C11orf42: variants seen among roughly 807,000 people sequenced by gnomAD.
The protein encoded by C11orf42 is uncharacterized protein C11orf42.
A neutral mutation model predicts 27.9 loss-of-function variants in C11orf42; 24 were observed. The observed-to-expected ratio is 0.86, with a 90% confidence interval of 0.62 to 1.21. The LOEUF is 1.21. Among genes scored for constraint, C11orf42 ranks in the 50% most tolerant of loss-of-function variants. C11orf42 has a pLI of 0.00. For synonymous variants in C11orf42, 187 were observed against 180.8 expected (o/e 1.03, Z -0.28); for missense variants, 455 against 424.1 (o/e 1.07, Z -0.64).
Position 6,210,649 on chromosome 11 carries a change from G to A in C11orf42, c.871+1G>A, listed in dbSNP as rs747046119. The A allele has an allele frequency of 6.2e-7, 1 of 1,612,704 alleles. No individual in the cohort carries two copies. Among genetic ancestry groups the A allele is most frequent in the Non-Finnish European group, 8.5e-7 (1 of 1,179,322 alleles). ...TGGAGGGGGCCCCAGATACTGTCAG[G>A]TACTACTAGGGGAAATGATGATGAG... On this transcript the variant is annotated splice_donor_variant, in intron 2 of 2. Coordinates refer to ENST00000316375, the MANE Select transcript of C11orf42 (RefSeq NM_173525.3). LOFTEE classifies it high-confidence loss of function. The surrounding 1 kb of genome is among the most constrained non-coding windows in gnomAD (Gnocchi z 4.0).
At chr11:6,207,287 T>TA (rs1846989639) in intron 1 of C11orf42, among the ~76,000 whole-genome samples, 1 of 152,154 alleles carries the variant, frequency 6.6e-6, no homozygotes, top group Admixed American at 6.5e-5. Context: ...GGGTTAGAAT[T>TA]AGACAACTTA....
Position 6,210,575 on chromosome 11 carries a change from G to A in C11orf42, c.798G>A (p.Gly266=). The change falls in exon 2 of 3, where the codon GGG becomes GGA. Residue 266 remains glycine (G), a synonymous_variant. Coordinates refer to ENST00000316375, the MANE Select transcript of C11orf42 (RefSeq NM_173525.3). This position sits in a 1 kb window ranked among gnomAD's most constrained non-coding sequence, Gnocchi z 4.0. ...PAPPTPPPQE[G]PEDKPTRFSY... Reference sequence around the variant, plus strand: ...CACCTACGCCACCTCCCCAGGAAGGGCCAGAGGACAAACCCACCAGATTCT... The same window carrying A: ...CACCTACGCCACCTCCCCAGGAAGGACCAGAGGACAAACCCACCAGATTCT... 1 of 1,614,056 alleles carries A rather than the reference G, an allele frequency of 6.2e-7. No individual in the cohort carries two copies. The highest frequency in any genetic ancestry group is 8.5e-7 in the Non-Finnish European group (1 of 1,180,002).
At chr11:6,209,752 A>G in intron 1 of C11orf42, 98 bp from the exon 2 acceptor site, 5 of 1,176,084 alleles carry the variant, frequency 4.3e-6, no homozygotes, top group Non-Finnish European at 6.1e-6. Context: ...AACACATTAT[A>G]GAGATGTAAC....
At position 6,209,980 on chromosome 11, in the gene C11orf42, G is replaced by A. The variant is rs144631019; in HGVS notation, c.203G>A (p.Arg68Gln). Residue 68 changes from arginine (R) to glutamine (Q), a missense_variant, in exon 2 of 3, where the codon CGG (arginine) becomes CAG (glutamine). By Grantham distance (43) the Arg-to-Gln change is conservative. Coordinates refer to ENST00000316375, the MANE Select transcript of C11orf42 (RefSeq NM_173525.3). ...PAHTRLALPGRQGRRALKPVG... is the reference protein window; with the variant it reads ...PAHTRLALPGQQGRRALKPVG... ...CATACCCGCCTGGCTTTGCCAGGTC[G>A]GCAGGGCCGGAGGGCACTGAAACCA... 2,713 of 1,613,638 alleles carry A rather than the reference G, an allele frequency of 1.7e-3. No individual in the cohort carries two copies. The highest frequency in any genetic ancestry group is 2.1e-3 in the Non-Finnish European group (2,528 of 1,179,530).
intron 1 of C11orf42, among the ~76,000 whole-genome samples, chr11:6,206,997 T>C (rs942608472): frequency 6.6e-6 from 1 of 152,308 alleles, no homozygotes; most frequent in South Asian, 2.1e-4. Context: ...AACATTTGGC[T>C]AAACAGAATG....
At chr11:6,208,678 C>T (rs1257611207) in intron 1 of C11orf42, among the ~76,000 whole-genome samples, 3 of 152,132 alleles carry the variant, frequency 2.0e-5, no homozygotes, top group Admixed American at 6.5e-5. Flanking sequence ...CCACCTGTCT[C>T]GGCCTCCCAA....
rs369201059 is a variant in C11orf42, at chr11:6,209,875, A to G, written c.98A>G (p.Asn33Ser). The G allele has an allele frequency of 2.0e-5, 32 of 1,593,134 alleles. No homozygotes were observed. In the African/African-American group the frequency reaches 4.2e-4, roughly 21 times the overall value. The stretch of plus-strand genomic sequence containing the variant: ...GTCATCGAGGAGCACTTTGGGCCCA[A>G]TGCAGTAGCAGTACCTTTCCTGTCA... ...DKVIEEHFGP[N>S]AVAVPFLSDA... is the part of the protein sequence containing the mutation. Residue 33 changes from asparagine to serine, a missense_variant, in exon 2 of 3, where the codon AAT becomes AGT. Physicochemically the swap from Asn to Ser is conservative, Grantham distance 46. Transcript: ENST00000316375.
Position 6,210,062 on chromosome 11 carries a change from C to T in C11orf42, c.285C>T (p.His95=), listed in dbSNP as rs772863287. Residue 95 remains histidine, a synonymous_variant, in exon 2 of 3, where the codon CAC becomes CAT. Transcript: ENST00000316375. This position sits in a 1 kb window ranked among gnomAD's most constrained non-coding sequence, Gnocchi z 4.0. ...EQAGSEGAFA[H]CTREYSPNGR... Reference sequence around the variant, plus strand: ...CAGGATCTGAGGGTGCCTTCGCCCACTGCACTCGGGAATACTCACCAAATG... The same window carrying T: ...CAGGATCTGAGGGTGCCTTCGCCCATTGCACTCGGGAATACTCACCAAATG... 1 of 1,614,244 alleles carries T rather than the reference C, an allele frequency of 6.2e-7. No homozygotes were observed.
chr11:6,209,173 CAAAA>C (rs59276219), intron 1 of C11orf42, among the ~76,000 whole-genome samples: 47,644 of 123,740 alleles, frequency 0.39, 8,814 homozygotes, highest in East Asian at 0.61. Flanking sequence ...AGAACCGACT[CAAAA>C]AAAAAAAAAA....
chr11:6,209,714 T>C lies in C11orf42; in HGVS notation c.73-136T>C, dbSNP rs577098625. The stretch of plus-strand genomic sequence containing the variant: ...ATTCAAGGTTTTGCTGCCGGAGAGC[T>C]GGGAGGTAAGCAGAAAGCATAAATC... On this transcript the variant is annotated intron_variant, in intron 1 of 2. Transcript: ENST00000316375. 7.1e-5 allele frequency: 59 copies of C among 834,834 alleles called. No individual in the cohort carries two copies. The African/African-American group carries it at 9.8e-4, about 14-fold the overall frequency. The allele number at this position is 834,834 out of a possible 1,614,324, so 51.7% of individuals were successfully genotyped here.
rs1167202485 is a variant in C11orf42, at chr11:6,211,052, A to G, written c.*10A>G. 1 of 1,609,184 alleles carries G rather than the reference A, an allele frequency of 6.2e-7. No individual in the cohort carries two copies. The highest frequency in any genetic ancestry group is 1.3e-5 in the African/African-American group (1 of 74,380). ...CGACAGTGACGACTGAAGCTGAAGC[A>G]AAAGATTCCGGGGGCAAAGCCCCCA... On this transcript the variant is annotated 3_prime_UTR_variant, in exon 3 of 3. Transcript: ENST00000316375.
At chr11:6,207,322 C>T (rs759836325) in intron 1 of C11orf42, among the ~76,000 whole-genome samples, 1 of 152,148 alleles carries the variant, frequency 6.6e-6, no homozygotes, top group Non-Finnish European at 1.5e-5. Flanking sequence ...ATAGGAAGAG[C>T]GTATGGGGAA....
At chr11:6,208,512 C>T (rs1400255061) in intron 1 of C11orf42, among the ~76,000 whole-genome samples, 9 of 152,160 alleles carry the variant, frequency 5.9e-5, no homozygotes, top group African/African-American at 1.4e-4. Context: ...CTGCAACCTC[C>T]GCTTCCCAGG....
chr11:6,206,117 T>C (rs1256842468), intron 1 of C11orf42, among the ~76,000 whole-genome samples: 1 of 152,112 alleles, frequency 6.6e-6, no homozygotes, highest in Non-Finnish European at 1.5e-5. Context: ...TTAATAGTAA[T>C]TAAATGTAGA....
chr11:6,211,053 A>C lies in C11orf42; in HGVS notation c.*11A>C. 1 of 1,609,248 alleles carries C rather than the reference A, an allele frequency of 6.2e-7. No homozygotes were observed. The highest frequency in any genetic ancestry group is 8.5e-7 in the Non-Finnish European group (1 of 1,178,618). On this transcript the variant is annotated 3_prime_UTR_variant, in exon 3 of 3. Transcript: ENST00000316375. ...GACAGTGACGACTGAAGCTGAAGCA[A>C]AAGATTCCGGGGGCAAAGCCCCCAA...
chr11:6,210,659 G>A lies in C11orf42; in HGVS notation c.871+11G>A, dbSNP rs1847045693. 1 of 1,610,066 alleles carries A rather than the reference G, an allele frequency of 6.2e-7. No homozygotes were observed. Among genetic ancestry groups the A allele is most frequent in the Non-Finnish European group, 8.5e-7 (1 of 1,178,028 alleles). ...CCCAGATACTGTCAGGTACTACTAG[G>A]GGAAATGATGATGAGATGGATGGGA... is the stretch of plus-strand genomic sequence containing the variant. On this transcript the variant is annotated intron_variant, in intron 2 of 2. Transcript: ENST00000316375. The surrounding 1 kb of genome is among the most constrained non-coding windows in gnomAD (Gnocchi z 4.0).
chr11:6,209,943 TCCCGCCCAGCCCATA>T lies in C11orf42; in HGVS notation c.173_187del (p.Pro58_Arg62del). ...CCTACTGGGTGTGCTGGTAAAACAG[TCCCGCCCAGCCCATA>T]CCCGCCTGGCTTTGCCAGGTCGGCA... On this transcript the variant is annotated inframe_deletion, in exon 2 of 3. Coordinates refer to ENST00000316375, the MANE Select transcript of C11orf42 (RefSeq NM_173525.3). 6.2e-7 allele frequency: 1 copy of T among 1,611,716 alleles called. No individual in the cohort carries two copies. Among genetic ancestry groups the T allele is most frequent in the Non-Finnish European group, 8.5e-7 (1 of 1,178,198 alleles).
intron 1 of C11orf42, among the ~76,000 whole-genome samples, chr11:6,208,833 C>T (rs1847008324): frequency 6.6e-6 from 1 of 152,144 alleles, no homozygotes; most frequent in South Asian, 2.1e-4. Flanking sequence ...CCTTATTATG[C>T]CTTGCCTGGA....
chr11:6,209,732 C>A, intron 1 of C11orf42, 118 bp from the exon 2 acceptor site: 1 of 1,032,892 alleles, frequency 9.7e-7, no homozygotes, highest in Non-Finnish European at 1.4e-6. Flanking sequence ...AAGCAGAAAG[C>A]ATAAATCTGA....
Sources: gnomAD v4.1 joint callset for allele counts (sites outside exome capture counted in the v4.1 genomes callset) on GRCh38, gnomAD v4.1.1 for gene constraint, Gnocchi (gnomAD v3.1) non-coding constraint, MANE v1.5 for transcripts, NCBI Gene and HGNC (gene_info 2026-07-23, HGNC 2026-07-21) for gene names.